IL1R2: variants seen among roughly 807,000 people sequenced by gnomAD.
IL1R2 encodes interleukin-1 receptor type 2.
A neutral mutation model predicts 39.5 loss-of-function variants in IL1R2; 46 were observed. The ratio of observed to expected loss-of-function variants is 1.16; its 90% CI spans 0.92 to 1.49. The LOEUF is 1.49. IL1R2 is among the 40% of genes most tolerant of loss of function. IL1R2 has a pLI of 0.00. For missense variants in IL1R2, 537 were observed against 502.0 expected (o/e 1.07, Z -0.67); for synonymous variants, 207 against 189.6 (o/e 1.09, Z -0.75).
intron 5 of IL1R2, among the ~76,000 whole-genome samples, chr2:102,020,754 C>T (rs1416949970): frequency 1.3e-5 from 2 of 152,114 alleles, no homozygotes; most frequent in Admixed American, 6.5e-5. Context: ...TTTCCGTGGA[C>T]CGGCACGGTC....
chr2:102,010,372 G>A lies in IL1R2; in HGVS notation c.332+546G>A, dbSNP rs929079536. Among the ~76,000 whole-genome samples, 19 of 152,154 alleles carry A rather than the reference G, an allele frequency of 1.2e-4. 1 individual carries two copies. The South Asian group carries it at 1.9e-3, about 15-fold the overall frequency. Reference sequence around the variant, plus strand: ...GTGGATCACGAGGTCAGGAGATCACGACCATCCTGGCTAACACAGTGAAAC... The same window carrying A: ...GTGGATCACGAGGTCAGGAGATCACAACCATCCTGGCTAACACAGTGAAAC... On this transcript the variant is annotated intron_variant, in intron 3 of 8. Transcript: ENST00000332549.
intron 1 of IL1R2, among the ~76,000 whole-genome samples, chr2:102,007,675 C>A (rs1281972102): frequency 6.6e-6 from 1 of 152,146 alleles, no homozygotes; most frequent in Non-Finnish European, 1.5e-5. Flanking sequence ...ATTTTGAGGG[C>A]TTCAATATGT....
chr2:102,013,595 A>T (rs1361972286), intron 3 of IL1R2, among the ~76,000 whole-genome samples: 19 of 151,442 alleles, frequency 1.3e-4, no homozygotes, highest in Middle Eastern at 3.4e-3. Flanking sequence ...AAGAAAAAAA[A>T]AAAAAAAGAG....
chr2:102,025,525 C>T (rs1341215676), intron 7 of IL1R2, among the ~76,000 whole-genome samples: 3 of 152,210 alleles, frequency 2.0e-5, no homozygotes, highest in African/African-American at 4.8e-5. Flanking sequence ...AAAAATATTC[C>T]TAGTGGATCC....
intron 3 of IL1R2, among the ~76,000 whole-genome samples, chr2:102,012,895 T>A (rs1325672886): frequency 6.6e-6 from 1 of 152,250 alleles, no homozygotes; most frequent in African/African-American, 2.4e-5. Context: ...CTCTCTCATT[T>A]CCTATCTGGT....
intron 6 of IL1R2, among the ~76,000 whole-genome samples, chr2:102,023,935 G>T (rs940124005): frequency 2.6e-5 from 4 of 152,076 alleles, no homozygotes; most frequent in Admixed American, 1.3e-4. Context: ...CCGGGTCCCA[G>T]CTCCTCGGGG....
intron 1 of IL1R2, chr2:102,001,954 T>G (rs1464501225): frequency 1.3e-5 from 2 of 152,192 alleles, no homozygotes; most frequent in Non-Finnish European, 2.9e-5. Flanking sequence ...CCTGCCACCG[T>G]GTTTTTGTTC....
chr2:102,019,488 A>T (rs948328523), intron 4 of IL1R2, 150 bp from the exon 5 acceptor site: 60 of 608,386 alleles, frequency 9.9e-5, no homozygotes, highest in African/African-American at 8.7e-4. Flanking sequence ...ATACAGTCAA[A>T]CGTATGCCCA....
intron 4 of IL1R2, among the ~76,000 whole-genome samples, chr2:102,019,145 C>T (rs1417826858): frequency 2.6e-5 from 4 of 152,080 alleles, no homozygotes; most frequent in Admixed American, 1.3e-4. Flanking sequence ...AGTGTGGACT[C>T]GTTTCCCCTA....
intron 3 of IL1R2, among the ~76,000 whole-genome samples, chr2:102,013,571 AG>A (rs1676793590): frequency 3.6e-5 from 5 of 138,768 alleles, no homozygotes; most frequent in South Asian, 2.3e-4. Flanking sequence ...AGAAAAGAAA[AG>A]AAGGAAAAGA....
At chr2:102,010,064 T>G in intron 3 of IL1R2, 1 of 545,454 alleles carries the variant, frequency 1.8e-6, no homozygotes, top group Non-Finnish European at 3.3e-6. Context: ...CCATTTTAGC[T>G]GACACCGCCC....
At position 102,023,088 on chromosome 2, in the gene IL1R2, G is replaced by A. The variant is rs3218964; in HGVS notation, c.751+839G>A. 8.3e-3 allele frequency among the ~76,000 whole-genome samples: 1,270 copies of A among 152,322 alleles called. 18 individuals carry two copies. Among genetic ancestry groups the A allele is most frequent in the African/African-American group, 0.029 (1,212 of 41,558 alleles). Reference sequence around the variant, plus strand: ...AAAACCTGCATCCTTTTATGTGTTTGTTTCTGGGTAGTGTTTTTGTAGGTC... The same window carrying A: ...AAAACCTGCATCCTTTTATGTGTTTATTTCTGGGTAGTGTTTTTGTAGGTC... On this transcript the variant is annotated intron_variant, in intron 6 of 8. Coordinates refer to ENST00000332549, the MANE Select transcript of IL1R2 (RefSeq NM_004633.4).
chr2:102,012,310 C>G (rs1191887851), intron 3 of IL1R2, among the ~76,000 whole-genome samples: 1 of 152,186 alleles, frequency 6.6e-6, no homozygotes, highest in African/African-American at 2.4e-5. Context: ...CTCCTTCCAC[C>G]AGCTGGCTTC....
At chr2:102,024,446 A>G (rs1677600432) in intron 6 of IL1R2, 87 bp from the exon 7 acceptor site, 6 of 902,184 alleles carry the variant, frequency 6.7e-6, no homozygotes, top group Non-Finnish European at 1.1e-5. Flanking sequence ...GTGTTTGAGA[A>G]GCCGAGGAGG....
At chr2:101,997,029 T>C (rs1675624891) in intron 1 of IL1R2, among the ~76,000 whole-genome samples, 1 of 151,012 alleles carries the variant, frequency 6.6e-6, no homozygotes, top group Non-Finnish European at 1.5e-5. Flanking sequence ...CACCAGCACC[T>C]TCTTCTAGCC....
intron 7 of IL1R2, 88 bp from the exon 8 acceptor site, chr2:102,026,023 C>A: frequency 9.4e-7 from 1 of 1,058,342 alleles, no homozygotes; most frequent in Non-Finnish European, 1.4e-6. Flanking sequence ...ATGGGTACTT[C>A]TAAAGGAGAG....
intron 3 of IL1R2, among the ~76,000 whole-genome samples, chr2:102,013,562 GAAAA>G (rs1676790731): frequency 2.8e-5 from 1 of 36,136 alleles, no homozygotes; most frequent in African/African-American, 1.1e-4. Flanking sequence ...AGGAAAGAAA[GAAAA>G]GAAAAGAAGG....
At position 102,009,690 on chromosome 2, in the gene IL1R2, A is replaced by T; in HGVS notation, c.196A>T (p.Asn66Tyr). ...GTGGGCCTCTGTCAGCCCCCGCATC[A>T]ACCTGACATGGCATAAAAATGACTC... ...WLWASVSPRI[N>Y]LTWHKNDSAR... Residue 66 changes from asparagine to tyrosine, a missense_variant, in exon 3 of 9, where the codon AAC becomes TAC. Asn to Tyr is a moderately radical substitution (Grantham distance 143). Transcript: ENST00000332549. 1 of 1,614,172 alleles carries T rather than the reference A, an allele frequency of 6.2e-7. No individual in the cohort carries two copies. The highest frequency in any genetic ancestry group is 1.1e-5 in the South Asian group (1 of 91,088).
chr2:102,021,566 G>A lies in IL1R2; in HGVS notation c.689-621G>A, dbSNP rs530466409. ...CCTGACCTGTTGATCCACCTGCCTCGGCCTCCCAAAGTGCCGGGATTACAG... is the reference window on the plus strand; with the variant it reads ...CCTGACCTGTTGATCCACCTGCCTCAGCCTCCCAAAGTGCCGGGATTACAG... On this transcript the variant is annotated intron_variant, in intron 5 of 8. Transcript: ENST00000332549. 3.3e-5 allele frequency among the ~76,000 whole-genome samples: 5 copies of A among 152,172 alleles called. No homozygotes were observed. The South Asian group carries it at 1.0e-3, about 32-fold the overall frequency.
Sources: allele counts gnomAD v4.1 joint callset (sites outside exome capture counted in the v4.1 genomes callset), GRCh38; gene constraint gnomAD v4.1.1; transcripts MANE v1.5; gene names NCBI Gene and HGNC (gene_info 2026-07-23, HGNC 2026-07-21).